Variants in GATAD2A observed in about 807,000 individuals in gnomAD.
The protein encoded by GATAD2A is GATA zinc finger domain containing 2A, also known as transcriptional repressor p66-alpha.
A neutral mutation model predicts 68.5 loss-of-function variants in GATAD2A; 12 were observed. That is an observed-to-expected ratio of 0.18 (90% confidence interval 0.11 to 0.28). The LOEUF (loss-of-function observed/expected upper bound fraction) is 0.28. Ranked by LOEUF, GATAD2A falls within the 10% of genes least tolerant of loss-of-function variation. The pLI is 1.00. For missense variants in GATAD2A, 755 were observed against 868.5 expected, an observed-to-expected ratio of 0.87 and a Z score of 1.64; for synonymous variants, 410 against 375.3, an observed-to-expected ratio of 1.09 and a Z score of -1.07.
intron 1 of GATAD2A, chr19:19,457,305 C>T (rs1600178126): frequency 2.3e-6 from 2 of 883,392 alleles, no homozygotes; most frequent in East Asian, 1.2e-4. Flanking sequence ...AGAGCTTCTT[C>T]CATAGCCCCA....
At chr19:19,469,384 A>G (rs1568313936) in intron 2 of GATAD2A, among the ~76,000 whole-genome samples, 1 of 149,540 alleles carries the variant, frequency 6.7e-6, no homozygotes, top group African/African-American at 2.5e-5. Context: ...GTGAGCCAAG[A>G]TCGCGCCACT....
At chr19:19,490,997 G>A (rs1489081995) in intron 2 of GATAD2A, among the ~76,000 whole-genome samples, 1 of 152,220 alleles carries the variant, frequency 6.6e-6, no homozygotes, top group Non-Finnish European at 1.5e-5. Flanking sequence ...TGGGACTTGC[G>A]TTGGGTCAGC....
chr19:19,429,453 G>A (rs897465577), intron 1 of GATAD2A, among the ~76,000 whole-genome samples: 3 of 152,102 alleles, frequency 2.0e-5, no homozygotes, highest in Admixed American at 6.5e-5. Context: ...TCACATGCAC[G>A]TAGCGCACTT....
chr19:19,494,241 G>T, intron 4 of GATAD2A, 53 bp from the exon 5 acceptor site: 3 of 1,011,874 alleles, frequency 3.0e-6, no homozygotes, highest in Non-Finnish European at 4.6e-6. Flanking sequence ...TCCGTGTGAG[G>T]AGAGGGACCG....
At chr19:19,486,292 C>T (rs919338468) in intron 2 of GATAD2A, among the ~76,000 whole-genome samples, 15 of 152,230 alleles carry the variant, frequency 9.9e-5, no homozygotes, top group African/African-American at 3.6e-4. Flanking sequence ...AAGGCACGGG[C>T]GGCCTGTTTG....
chr19:19,443,056 A>G (rs2055295540), intron 1 of GATAD2A, among the ~76,000 whole-genome samples: 1 of 152,186 alleles, frequency 6.6e-6, no homozygotes, highest in African/African-American at 2.4e-5. Flanking sequence ...TTAACATAGC[A>G]TGACTGAGGA....
At chr19:19,402,758 T>G (rs1214760461), upstream of GATAD2A, among the ~76,000 whole-genome samples, 3 of 147,518 alleles carry the variant, frequency 2.0e-5, no homozygotes, top group East Asian at 4.0e-4. Context: ...GTTTTTTTTT[T>G]TTGTTTTTGT....
intron 1 of GATAD2A, among the ~76,000 whole-genome samples, chr19:19,425,945 G>A (rs972770501): frequency 1.3e-4 from 19 of 151,952 alleles, no homozygotes; most frequent in African/African-American, 4.1e-4. Context: ...GCTCCGCCAC[G>A]CCTGGCTAAT....
intron 2 of GATAD2A, among the ~76,000 whole-genome samples, chr19:19,475,977 C>T (rs747139180): frequency 6.6e-6 from 1 of 152,226 alleles, no homozygotes; most frequent in African/African-American, 2.4e-5. Context: ...GGCCCGGTGC[C>T]AGGTAAAAGA....
rs2058768539 is a variant in GATAD2A at position 19,477,701 on chromosome 19, G to GGA, written c.269+12091_269+12092dup. On this transcript the variant is annotated intron_variant, in intron 2 of 11. Coordinates refer to ENST00000683918, the MANE Select transcript of GATAD2A (RefSeq NM_001384528.1). Reference sequence around the variant, plus strand: ...GGTTTGGGACCCCCCTCTGGAGAAGGGAGAGTTGATGCTCTGAGCCTAGGT... The same window carrying GGA: ...GGTTTGGGACCCCCCTCTGGAGAAGGGAGAGAGTTGATGCTCTGAGCCTAGGT... Among the ~76,000 whole-genome samples the GGA allele has an allele frequency of 2.6e-5, 4 of 152,334 alleles. No homozygotes were observed. In the South Asian group the frequency reaches 8.3e-4, roughly 32 times the overall value.
intron 2 of GATAD2A, among the ~76,000 whole-genome samples, chr19:19,473,318 G>A (rs1388936547): frequency 6.6e-6 from 1 of 152,146 alleles, no homozygotes; most frequent in Non-Finnish European, 1.5e-5. Flanking sequence ...TAGCATCTGT[G>A]CTGTTAGATC....
intron 1 of GATAD2A, among the ~76,000 whole-genome samples, chr19:19,406,332 G>C (rs1355053243): frequency 1.3e-5 from 2 of 150,630 alleles, no homozygotes; most frequent in East Asian, 2.0e-4. Flanking sequence ...GCCGCGAGGC[G>C]CCTCTTCCGA....
chr19:19,393,932 G>A (rs1320479101), intron 1 of GATAD2A, among the ~76,000 whole-genome samples: 1 of 151,744 alleles, frequency 6.6e-6, no homozygotes, highest in Non-Finnish European at 1.5e-5. Flanking sequence ...TGTCGCCCAG[G>A]CTGGAGTGCA....
chr19:19,392,484 C>T (rs1271406021), intron 1 of GATAD2A, among the ~76,000 whole-genome samples: 1 of 151,458 alleles, frequency 6.6e-6, no homozygotes, highest in African/African-American at 2.4e-5. Context: ...CCTCCACCTC[C>T]TGGGTTCAAG....
In GATAD2A at chr19:19,428,790, A is replaced by G. The variant is rs374418647; in HGVS notation, c.-7+22771A>G. On this transcript the variant is annotated intron_variant, in intron 1 of 11. Transcript: ENST00000683918. ...TGTGGGCACCACTGACACTGGGGCAACTCTCAATTCTCAGTGGTGGCCTGA... is the reference window on the plus strand; with the variant it reads ...TGTGGGCACCACTGACACTGGGGCAGCTCTCAATTCTCAGTGGTGGCCTGA... Among the ~76,000 whole-genome samples, 68 of 152,020 alleles carry G rather than the reference A, an allele frequency of 4.5e-4. 1 individual carries two copies. The highest frequency in any genetic ancestry group is 1.5e-3 in the African/African-American group (64 of 41,488).
At position 19,485,971 on chromosome 19, in the gene GATAD2A, C is replaced by T. The variant is rs563330454; in HGVS notation, c.270-6335C>T. Among the ~76,000 whole-genome samples, 7 of 152,248 alleles carry T rather than the reference C, an allele frequency of 4.6e-5. No individual in the cohort carries two copies. The East Asian group carries it at 7.7e-4, about 17-fold the overall frequency. ...TCCAGCAGCACAACATCTATGTGCA[C>T]GAGGGAAGCAGCTGCCCACCGTGCA... On this transcript the variant is annotated intron_variant, in intron 2 of 11. Transcript: ENST00000683918.
Position 19,441,057 on chromosome 19 carries a change from G to A in GATAD2A, c.-6-24283G>A, listed in dbSNP as rs543622642. The stretch of plus-strand genomic sequence containing the variant: ...TTCCTTCTTTCCTTCCCTTCCTTCC[G>A]TTCCTTCCCTCCCCTCACTCTGTCA... On this transcript the variant is annotated intron_variant, in intron 1 of 11. Coordinates refer to ENST00000683918, the MANE Select transcript of GATAD2A (RefSeq NM_001384528.1). Among the ~76,000 whole-genome samples, 47 of 111,938 alleles carry A rather than the reference G, an allele frequency of 4.2e-4. 1 individual carries two copies. Among genetic ancestry groups the A allele is most frequent in the Admixed American group, 3.8e-3 (33 of 8,738 alleles). The allele number at this position is 111,938 out of a possible 152,430, so 73.4% of individuals were successfully genotyped here.
intron 1 of GATAD2A, among the ~76,000 whole-genome samples, chr19:19,397,309 C>T (rs939206891): frequency 2.0e-5 from 3 of 150,140 alleles, no homozygotes; most frequent in African/African-American, 4.9e-5. Context: ...ATGGCGTGAT[C>T]TCAGCTTACC....
chr19:19,474,224 G>C, intron 2 of GATAD2A: 46 of 898,976 alleles, frequency 5.1e-5, no homozygotes, highest in South Asian at 1.5e-4. Flanking sequence ...GGAGGGTGAG[G>C]TCGACACTGG....
Sources: allele counts gnomAD v4.1 joint callset (sites outside exome capture counted in the v4.1 genomes callset), GRCh38; gene constraint gnomAD v4.1.1; transcripts MANE v1.5; gene names NCBI Gene and HGNC (gene_info 2026-07-23, HGNC 2026-07-21).